Variants in B3GALT1 observed in about 807,000 individuals in gnomAD.
B3GALT1 encodes the protein UDP-Gal:betaGlcNAc beta 1,3-galactosyltransferase, polypeptide 1.
Under a neutral mutation model 23.2 loss-of-function variants are expected in B3GALT1, and 10 were observed. The observed-to-expected ratio is 0.43, with a 90% CI of 0.27 to 0.73. The LOEUF (loss-of-function observed/expected upper bound fraction) is 0.73. Among genes scored for constraint, B3GALT1 ranks in the 30% least tolerant of loss-of-function variants. The pLI, the probability that B3GALT1 is intolerant of heterozygous loss-of-function variation, is 0.21. For missense variants in B3GALT1, 299 were observed against 405.4 expected, an observed-to-expected ratio of 0.74 and a Z score of 2.25; for synonymous variants, 156 against 141.5, an observed-to-expected ratio of 1.10 and a Z score of -0.73.
chr2:167,670,554 A>C (rs1191682588), intron 3 of B3GALT1, among the ~76,000 whole-genome samples: 4 of 152,182 alleles, frequency 2.6e-5, no homozygotes. Context: ...TTCCAGTAAC[A>C]ACCCCAAAGA....
chr2:167,351,278 A>AAAC (rs1697304141), intron 1 of B3GALT1, among the ~76,000 whole-genome samples: 1 of 151,918 alleles, frequency 6.6e-6, no homozygotes, highest in African/African-American at 2.4e-5. Context: ...CAAAAAAAAA[A>AAAC]AAAAACGAAA....
intron 1 of B3GALT1, among the ~76,000 whole-genome samples, chr2:167,487,025 G>A (rs1386785953): frequency 6.6e-6 from 1 of 152,150 alleles, no homozygotes; most frequent in Non-Finnish European, 1.5e-5. Context: ...TATGTGAAAT[G>A]TATACAAACA....
intron 1 of B3GALT1, among the ~76,000 whole-genome samples, chr2:167,319,109 C>T (rs1696763492): frequency 6.6e-6 from 1 of 152,076 alleles, no homozygotes; most frequent in African/African-American, 2.4e-5. Context: ...GTTTTTAGGA[C>T]TCTTTGTGGG....
intron 3 of B3GALT1, among the ~76,000 whole-genome samples, chr2:167,753,725 T>C (rs7558661): frequency 0.39 from 59,087 of 152,078 alleles, 13,554 homozygotes; most frequent in African/African-American, 0.64. Flanking sequence ...CTCATGTTAC[T>C]GTTCTACATT....
At chr2:167,864,471 G>A (rs1365247642) in intron 4 of B3GALT1, among the ~76,000 whole-genome samples, 1 of 152,124 alleles carries the variant, frequency 6.6e-6, no homozygotes, top group Non-Finnish European at 1.5e-5. Context: ...AGCTGAGGCA[G>A]GAAAATCACT....
chr2:167,562,604 CAA>C (rs1376184134), intron 2 of B3GALT1, among the ~76,000 whole-genome samples: 1 of 151,434 alleles, frequency 6.6e-6, no homozygotes, highest in African/African-American at 2.4e-5. Flanking sequence ...GCAACTTCAG[CAA>C]AGTCTCAGGA....
intron 3 of B3GALT1, among the ~76,000 whole-genome samples, chr2:167,678,203 T>A (rs1216519327): frequency 6.6e-6 from 1 of 152,212 alleles, no homozygotes; most frequent in East Asian, 1.9e-4. Context: ...CATTCCACAC[T>A]ATTCTGACAT....
chr2:167,764,793 G>A (rs937419256), intron 3 of B3GALT1, among the ~76,000 whole-genome samples: 3 of 152,080 alleles, frequency 2.0e-5, no homozygotes, highest in Admixed American at 1.3e-4. Flanking sequence ...AGAACGTAAG[G>A]ATATGAAAAT....
chr2:167,840,380 C>G (rs1426695679), intron 4 of B3GALT1, among the ~76,000 whole-genome samples: 1 of 152,116 alleles, frequency 6.6e-6, no homozygotes, highest in Non-Finnish European at 1.5e-5. Flanking sequence ...TGAACAGACA[C>G]TTCTCAAAAG....
At position 167,367,000 on chromosome 2, in the gene B3GALT1, G is replaced by A. The variant is rs549526048; in HGVS notation, c.-511+73666G>A. Among the ~76,000 whole-genome samples, 11 of 152,228 alleles carry A rather than the reference G, an allele frequency of 7.2e-5. No individual in the cohort carries two copies. In the South Asian group the frequency reaches 1.5e-3, roughly 20 times the overall value. The stretch of plus-strand genomic sequence containing the variant: ...CACCACATTCTACTGGTTAAATATC[G>A]TCACAGGCCAATCCAAACCCAAGTG... On this transcript the variant is annotated intron_variant, in intron 1 of 4. Transcript: ENST00000392690.
chr2:167,345,331 C>T (rs1053832550), intron 1 of B3GALT1, among the ~76,000 whole-genome samples: 3 of 152,082 alleles, frequency 2.0e-5, no homozygotes, highest in Admixed American at 6.5e-5. Context: ...TGAGCCCAGA[C>T]TATCACAGCA....
chr2:167,730,717 C>T (rs59530821), intron 3 of B3GALT1, among the ~76,000 whole-genome samples: 2,185 of 152,184 alleles, frequency 0.014, 50 homozygotes, highest in African/African-American at 0.05. Flanking sequence ...TATTATTTAG[C>T]AGGAAACTGA....
At chr2:167,535,061 T>C (rs1683393276) in intron 2 of B3GALT1, among the ~76,000 whole-genome samples, 1 of 152,180 alleles carries the variant, frequency 6.6e-6, no homozygotes, top group African/African-American at 2.4e-5. Context: ...CCATGATCGA[T>C]TTCACAAAGC....
intron 3 of B3GALT1, among the ~76,000 whole-genome samples, chr2:167,717,915 CATGCTTTCATTTT>C (rs1687176543): frequency 6.6e-6 from 1 of 152,214 alleles, no homozygotes; most frequent in South Asian, 2.1e-4. Flanking sequence ...CAATTTTCTT[CATGCTTTCATTTT>C]TACTTGTTTA....
At chr2:167,605,862 T>A (rs1239200572) in intron 2 of B3GALT1, among the ~76,000 whole-genome samples, 2 of 152,172 alleles carry the variant, frequency 1.3e-5, no homozygotes, top group Non-Finnish European at 2.9e-5. Context: ...AGAGATATAG[T>A]TTATAGAGTT....
intron 1 of B3GALT1, among the ~76,000 whole-genome samples, chr2:167,352,473 G>T (rs1697328414): frequency 6.7e-6 from 1 of 150,350 alleles, no homozygotes; most frequent in African/African-American, 2.4e-5. Context: ...TGTAATCCCA[G>T]CACTCTGGAA....
chr2:167,664,038 T>C (rs1280909738), intron 3 of B3GALT1, among the ~76,000 whole-genome samples: 1 of 151,026 alleles, frequency 6.6e-6, no homozygotes, highest in African/African-American at 2.5e-5. Flanking sequence ...TCCTTGCCCA[T>C]GCCTATGTCC....
At chr2:167,662,678 CT>C (rs1686081589) in intron 3 of B3GALT1, among the ~76,000 whole-genome samples, 1 of 152,032 alleles carries the variant, frequency 6.6e-6, no homozygotes, top group African/African-American at 2.4e-5. Flanking sequence ...CCTTCAATGG[CT>C]CCCCATATGA....
At chr2:167,734,274 T>C (rs1002737023) in intron 3 of B3GALT1, among the ~76,000 whole-genome samples, 1 of 152,130 alleles carries the variant, frequency 6.6e-6, no homozygotes, top group South Asian at 2.1e-4. Context: ...GTCTAGTCAC[T>C]ATTCACCCAA....
Sources: allele counts gnomAD v4.1 joint callset (sites outside exome capture counted in the v4.1 genomes callset), GRCh38; gene constraint gnomAD v4.1.1; transcripts MANE v1.5; gene names NCBI Gene and HGNC (gene_info 2026-07-23, HGNC 2026-07-21).